Variants in RAI2 observed in about 807,000 individuals in gnomAD.
The protein encoded by RAI2 is retinoic acid-induced protein 2.
In RAI2, 5 loss-of-function variants were observed where a neutral mutation model predicts 15.3. The ratio of observed to expected loss-of-function variants is 0.33; its 90% confidence interval spans 0.17 to 0.69. RAI2 has a LOEUF of 0.69. RAI2 is among the 30% of genes least tolerant of loss of function. The pLI is 0.69. For synonymous variants in RAI2, 191 were observed against 184.0 expected, an observed-to-expected ratio of 1.04 and a Z score of -0.31; for missense variants, 424 against 424.7, an observed-to-expected ratio of 1.00 and a Z score of 0.01.
At chrX:17,859,960 T>C (rs2067666717) in intron 1 of RAI2, among the ~76,000 whole-genome samples, 1 of 112,600 alleles carries the variant, frequency 8.9e-6, no homozygotes, top group Non-Finnish European at 1.9e-5. Context: ...TGGGTTGCTT[T>C]TTCCTTGGAA....
chrX:17,860,095 C>T (rs2067668347), intron 1 of RAI2, among the ~76,000 whole-genome samples: 1 of 111,366 alleles, frequency 9.0e-6, no homozygotes, highest in Non-Finnish European at 1.9e-5. Flanking sequence ...CCAAAGCCAC[C>T]TTCTTCTTCC....
chrX:17,813,663 A>G (rs2067074045), intron 1 of RAI2, among the ~76,000 whole-genome samples: 1 of 111,688 alleles, frequency 9.0e-6, no homozygotes, highest in Non-Finnish European at 1.9e-5. Context: ...TCCTTTACAG[A>G]CACAATCAGC....
chrX:17,857,112 A>C (rs1350669006), intron 1 of RAI2, among the ~76,000 whole-genome samples: 1 of 111,959 alleles, frequency 8.9e-6, no homozygotes, highest in Non-Finnish European at 1.9e-5. Flanking sequence ...GCATTCTCCA[A>C]AGACAAGAGC....
chrX:17,827,788 G>A (rs2067243158), intron 1 of RAI2, among the ~76,000 whole-genome samples: 1 of 111,818 alleles, frequency 8.9e-6, no homozygotes, highest in South Asian at 3.8e-4. Context: ...GAGATCGCTG[G>A]GTTAAGTCTC....
At chrX:17,830,935 A>T (rs1017346418) in intron 1 of RAI2, among the ~76,000 whole-genome samples, 3 of 112,229 alleles carry the variant, frequency 2.7e-5, no homozygotes, top group Non-Finnish European at 1.9e-5. Context: ...AAGAAAAAGA[A>T]ATTGACCCAA....
chrX:17,845,718 C>T (rs2067449358), intron 1 of RAI2, among the ~76,000 whole-genome samples: 1 of 112,269 alleles, frequency 8.9e-6, no homozygotes, highest in South Asian at 3.7e-4. Flanking sequence ...AGTTGCTTTG[C>T]AAAATTAAAA....
In RAI2 at chrX:17,811,656, G is replaced by T. The variant is rs774961747; in HGVS notation, c.-24-9622C>A. On this transcript the variant is annotated intron_variant, in intron 1 of 1. Coordinates refer to ENST00000451717, the MANE Select transcript of RAI2 (RefSeq NM_021785.6). Reference sequence around the variant, plus strand: ...GAAATAGACCCTCTGAGGGGTCACTGGAAGGAAGGGGTGCAGATTTCTGAA... The same window carrying T: ...GAAATAGACCCTCTGAGGGGTCACTTGAAGGAAGGGGTGCAGATTTCTGAA... Among the ~76,000 whole-genome samples, 19 of 112,097 alleles carry T rather than the reference G, an allele frequency of 1.7e-4. No homozygotes were observed. In the South Asian group the frequency reaches 7.1e-3, roughly 42 times the overall value.
At chrX:17,847,564 C>T (rs1025756949) in intron 1 of RAI2, among the ~76,000 whole-genome samples, 5 of 112,714 alleles carry the variant, frequency 4.4e-5, no homozygotes, top group African/African-American at 1.6e-4. Context: ...CTGAAAGTGA[C>T]CGTGTAGTTG....
At chrX:17,818,339 T>C (rs147499514) in intron 1 of RAI2, among the ~76,000 whole-genome samples, 1,318 of 112,060 alleles carry the variant, frequency 0.012, 20 homozygotes, top group African/African-American at 0.04. Flanking sequence ...CTGTCTGACT[T>C]AGGTGAACCC....
chrX:17,818,304 A>C (rs777527861), intron 1 of RAI2, among the ~76,000 whole-genome samples: 1 of 112,206 alleles, frequency 8.9e-6, no homozygotes, highest in East Asian at 2.8e-4. Flanking sequence ...CTTAAAATAC[A>C]CTGGCACCTA....
Position 17,802,063 on chromosome X carries a change from T to C in RAI2, c.-24-29A>G, listed in dbSNP as rs2066920868. On this transcript the variant is annotated intron_variant, in intron 1 of 1. Coordinates refer to ENST00000451717, the MANE Select transcript of RAI2 (RefSeq NM_021785.6). ...CAACACAGAACATACAATATGAATC[T>C]TCCTTAAAAGACTATTTATAATTGC... The C allele has an allele frequency of 5.2e-6, 6 of 1,145,124 alleles. No individual in the cohort carries two copies. The South Asian group carries it at 1.1e-4, about 20-fold the overall frequency. 94.4% of individuals were successfully genotyped at this position (1,145,124 alleles called of 1,213,427 possible). A position where few individuals can be genotyped will look rare whatever the true frequency, so the allele number is the denominator to read the frequency against.
intron 1 of RAI2, among the ~76,000 whole-genome samples, chrX:17,817,553 G>T (rs1465760708): frequency 8.9e-6 from 1 of 112,502 alleles, no homozygotes; most frequent in African/African-American, 3.2e-5. Context: ...CAGGGAGCAG[G>T]AAAAGGCAGG....
intron 1 of RAI2, among the ~76,000 whole-genome samples, chrX:17,809,787 G>C (rs189522267): frequency 1.8e-5 from 2 of 110,558 alleles, no homozygotes; most frequent in East Asian, 2.8e-4. Flanking sequence ...TGTGTTTTTG[G>C]GGGGAGAGTC....
At chrX:17,817,620 T>G (rs12391838) in intron 1 of RAI2, among the ~76,000 whole-genome samples, 2,086 of 112,417 alleles carry the variant, frequency 0.019, 43 homozygotes, top group African/African-American at 0.062. Context: ...CCCTCACCCA[T>G]GTGAGAAGGT....
chrX:17,847,276 CT>C (rs1030924730), intron 1 of RAI2, among the ~76,000 whole-genome samples: 1 of 112,247 alleles, frequency 8.9e-6, no homozygotes, highest in African/African-American at 3.2e-5. Flanking sequence ...CCTTGCCTCT[CT>C]TTCTGGGTTA....
At chrX:17,832,578 G>A (rs2147253651) in intron 1 of RAI2, among the ~76,000 whole-genome samples, 1 of 112,054 alleles carries the variant, frequency 8.9e-6, no homozygotes, top group Non-Finnish European at 1.9e-5. Context: ...AAATGGGCAG[G>A]TGTCAGAATG....
intron 1 of RAI2, among the ~76,000 whole-genome samples, chrX:17,825,234 A>G (rs1236309113): frequency 2.6e-5 from 3 of 113,259 alleles, no homozygotes; most frequent in Non-Finnish European, 5.6e-5. Flanking sequence ...CCGCATAAAA[A>G]GCACAGTAAT....
chrX:17,847,135 G>T (rs942287622), intron 1 of RAI2, among the ~76,000 whole-genome samples: 5 of 111,856 alleles, frequency 4.5e-5, no homozygotes, highest in African/African-American at 1.3e-4. Flanking sequence ...TCTCAAGTAT[G>T]TCTTTATTAG....
intron 1 of RAI2, among the ~76,000 whole-genome samples, chrX:17,853,291 A>G (rs946790303): frequency 4.5e-5 from 5 of 112,188 alleles, no homozygotes; most frequent in African/African-American, 1.6e-4. Flanking sequence ...AATCACGCAC[A>G]TGACCCACTT....
Sources: allele counts gnomAD v4.1 joint callset (sites outside exome capture counted in the v4.1 genomes callset), GRCh38; gene constraint gnomAD v4.1.1; transcripts MANE v1.5; gene names NCBI Gene and HGNC (gene_info 2026-07-23, HGNC 2026-07-21).